The following SLC17A1 variants were observed in gnomAD, a reference collection of about 807,000 sequenced individuals.
SLC17A1 encodes the protein sodium-dependent phosphate transport protein 1.
A neutral mutation model predicts 53.5 loss-of-function variants in SLC17A1; 51 were observed. The observed-to-expected ratio is 0.95, with a 90% CI of 0.76 to 1.20. The LOEUF (loss-of-function observed/expected upper bound fraction) is 1.20, where lower values mean the gene tolerates loss of function less well. SLC17A1 is among the 50% of genes most tolerant of loss of function. The pLI is 0.00. For missense variants in SLC17A1, 538 were observed against 568.2 expected, an observed-to-expected ratio of 0.95 and a Z score of 0.54; for synonymous variants, 179 against 198.8, an observed-to-expected ratio of 0.90 and a Z score of 0.84.
chr6:25,762,526 A>C, the SLC17A1 span, among the ~76,000 whole-genome samples: 6 of 152,320 alleles, frequency 3.9e-5, no homozygotes, highest in South Asian at 1.2e-3. Context: ...CATTAAGGGA[A>C]ACTGTAGAAC....
chr6:25,814,605 C>T (rs1764269684), intron 6 of SLC17A1, among the ~76,000 whole-genome samples: 2 of 152,084 alleles, frequency 1.3e-5, no homozygotes, highest in Admixed American at 6.6e-5. Flanking sequence ...GTAGACTAGA[C>T]ATGACCAAGA....
the SLC17A1 span, among the ~76,000 whole-genome samples, chr6:25,764,253 T>A: frequency 1.3e-5 from 2 of 152,182 alleles, no homozygotes; most frequent in African/African-American, 2.4e-5. Context: ...AGCTTCCAGA[T>A]ATTTGTCCCT....
Position 25,826,589 on chromosome 6 carries a change from G to A in SLC17A1, c.79C>T (p.His27Tyr). 6.2e-7 allele frequency: 1 copy of A among 1,601,722 alleles called. No homozygotes were observed. Among genetic ancestry groups the A allele is most frequent in the Non-Finnish European group, 8.5e-7 (1 of 1,173,326 alleles). ...GCTGTTATTATAACATTACAACAGT[G>A]CACAAGGAAAGACAATCCATAGCGA... ...SFRYGLSFLV[H>Y]CCNVIITAQR... Residue 27 changes from histidine to tyrosine, a missense_variant, in exon 3 of 13, where the codon CAC (histidine) becomes TAC (tyrosine). His to Tyr is a moderately conservative substitution (Grantham distance 83). Coordinates refer to ENST00000244527, the MANE Select transcript of SLC17A1 (RefSeq NM_005074.5).
the SLC17A1 span, among the ~76,000 whole-genome samples, chr6:25,766,360 C>T: frequency 6.6e-6 from 1 of 152,000 alleles, no homozygotes; most frequent in African/African-American, 2.4e-5. Context: ...AGGAAAATGC[C>T]TATTTATCCT....
intron 2 of SLC17A1, 119 bp from the exon 3 acceptor site, chr6:25,826,752 AC>A: frequency 5.6e-6 from 3 of 531,596 alleles, no homozygotes; most frequent in Non-Finnish European, 9.2e-6. Flanking sequence ...ATTTTATTGT[AC>A]TTAATGACCT....
chr6:25,767,047 T>C, the SLC17A1 span, among the ~76,000 whole-genome samples: 2 of 152,194 alleles, frequency 1.3e-5, no homozygotes, highest in Non-Finnish European at 2.9e-5. Context: ...GGAAATTTTG[T>C]GTGAGATATA....
At chr6:25,814,749 C>T (rs532104711) in intron 6 of SLC17A1, among the ~76,000 whole-genome samples, 75 of 152,124 alleles carry the variant, frequency 4.9e-4, no homozygotes, top group African/African-American at 1.7e-3. Flanking sequence ...TTTGGAAGGC[C>T]GAGGCGGGCG....
intron 11 of SLC17A1, 142 bp downstream of exon 11, chr6:25,800,748 A>G: frequency 1.7e-6 from 1 of 600,516 alleles, no homozygotes; most frequent in South Asian, 2.2e-5. Context: ...GAGATGCCTG[A>G]TTTGACCAAA....
intron 12 of SLC17A1, among the ~76,000 whole-genome samples, chr6:25,790,208 G>A (rs553222880): frequency 6.6e-6 from 1 of 152,166 alleles, no homozygotes; most frequent in East Asian, 1.9e-4. Flanking sequence ...CTCCATCCGG[G>A]TATTTGGTAA....
the SLC17A1 span, among the ~76,000 whole-genome samples, chr6:25,725,880 C>T: frequency 6.6e-6 from 1 of 152,140 alleles, no homozygotes; most frequent in Non-Finnish European, 1.5e-5. Context: ...AAGCGTTAAG[C>T]CACCTCGCCC....
the SLC17A1 span, among the ~76,000 whole-genome samples, chr6:25,743,549 C>G: frequency 6.6e-6 from 1 of 152,100 alleles, no homozygotes; most frequent in African/African-American, 2.4e-5. Flanking sequence ...ACAAGACAAC[C>G]TGAAGCTAAT....
At chr6:25,817,361 C>T (rs925658234) in intron 6 of SLC17A1, among the ~76,000 whole-genome samples, 6 of 152,150 alleles carry the variant, frequency 3.9e-5, no homozygotes, top group African/African-American at 9.7e-5. Flanking sequence ...ACGAACAGGT[C>T]GTTTGACATA....
chr6:25,726,969 G>A, the SLC17A1 span: 74 of 1,614,126 alleles, frequency 4.6e-5, no homozygotes, highest in Non-Finnish European at 5.7e-5. Context: ...GAAAGCTGTC[G>A]TTAAGACCCA....
the SLC17A1 span, among the ~76,000 whole-genome samples, chr6:25,765,773 T>C: frequency 2.0e-5 from 3 of 152,066 alleles, no homozygotes; most frequent in African/African-American, 7.2e-5. Context: ...AACATCCAAT[T>C]CACTGAGCCT....
chr6:25,816,200 G>A (rs192258245), intron 6 of SLC17A1, among the ~76,000 whole-genome samples: 9 of 152,202 alleles, frequency 5.9e-5, no homozygotes, highest in Non-Finnish European at 8.8e-5. Flanking sequence ...ACAAATCTCT[G>A]GCGACTAGAC....
the SLC17A1 span, among the ~76,000 whole-genome samples, chr6:25,741,167 T>C: frequency 6.6e-6 from 1 of 152,232 alleles, no homozygotes; most frequent in Non-Finnish European, 1.5e-5. Flanking sequence ...AGATTTGTAA[T>C]GTTCCCAACA....
intron 3 of SLC17A1, among the ~76,000 whole-genome samples, chr6:25,822,453 G>A (rs976873564): frequency 6.6e-6 from 1 of 152,088 alleles, no homozygotes; most frequent in African/African-American, 2.4e-5. Flanking sequence ...CTGCTTTGTG[G>A]AATAATTTTC....
the SLC17A1 span, among the ~76,000 whole-genome samples, chr6:25,772,530 A>G: frequency 2.0e-5 from 3 of 152,230 alleles, no homozygotes; most frequent in African/African-American, 7.2e-5. Flanking sequence ...AAGATGGGCC[A>G]TATTTCCACT....
the SLC17A1 span, among the ~76,000 whole-genome samples, chr6:25,724,300 G>A: frequency 1.3e-5 from 2 of 152,314 alleles, no homozygotes; most frequent in South Asian, 2.1e-4. Context: ...GCAGGCGCCC[G>A]TAATCCCAGC....
Sources: gnomAD v4.1 joint callset for allele counts (sites outside exome capture counted in the v4.1 genomes callset) on GRCh38, gnomAD v4.1.1 for gene constraint, MANE v1.5 for transcripts, NCBI Gene and HGNC (gene_info 2026-07-23, HGNC 2026-07-21) for gene names.